The following NUP107 variants were observed in gnomAD, a reference collection of about 807,000 sequenced individuals.
NUP107 encodes the protein nucleoporin 107.
In NUP107, 101 loss-of-function variants were observed where a neutral mutation model predicts 141.0. The observed-to-expected ratio is 0.72, with a 90% CI of 0.61 to 0.84. The LOEUF (loss-of-function observed/expected upper bound fraction) is 0.84, where lower values mean the gene tolerates loss of function less well. NUP107 is among the 40% of genes least tolerant of loss of function. NUP107 has a pLI of 0.00. For synonymous variants in NUP107, 319 were observed against 363.9 expected, an observed-to-expected ratio of 0.88 and a Z score of 1.41; for missense variants, 941 against 1,102.7, an observed-to-expected ratio of 0.85 and a Z score of 2.08.
intron 9 of NUP107, among the ~76,000 whole-genome samples, chr12:68,709,564 A>G (rs936225436): frequency 6.6e-6 from 1 of 152,118 alleles, no homozygotes; most frequent in South Asian, 2.1e-4. Context: ...ATATTTATTT[A>G]TCTTAAAGTA....
At chr12:68,739,426 G>T (rs1316259660) in intron 26 of NUP107, among the ~76,000 whole-genome samples, 1 of 152,202 alleles carries the variant, frequency 6.6e-6, no homozygotes, top group Non-Finnish European at 1.5e-5. Context: ...CTTAGTAAAT[G>T]AATGATACTG....
intron 8 of NUP107, among the ~76,000 whole-genome samples, chr12:68,708,541 T>A (rs1219921529): frequency 6.6e-6 from 1 of 152,162 alleles, no homozygotes; most frequent in Non-Finnish European, 1.5e-5. Flanking sequence ...AACTTCTATA[T>A]AGACTATAAA....
intron 20 of NUP107, among the ~76,000 whole-genome samples, chr12:68,728,510 G>A (rs1253221853): frequency 4.4e-5 from 6 of 135,802 alleles, no homozygotes; most frequent in Non-Finnish European, 6.1e-5. Flanking sequence ...TGCAGCCTCC[G>A]CCTCCCAGGT....
At chr12:68,740,419 T>C (rs1878276629) in intron 26 of NUP107, among the ~76,000 whole-genome samples, 1 of 152,240 alleles carries the variant, frequency 6.6e-6, no homozygotes, top group Non-Finnish European at 1.5e-5. Flanking sequence ...CTTTAATATT[T>C]GCTTTTATGT....
rs544537717 is a variant in NUP107 at position 68,732,909 on chromosome 12, C to G, written c.2101+170C>G. 64 of 422,192 alleles carry G rather than the reference C, an allele frequency of 1.5e-4. No individual in the cohort carries two copies. In the South Asian group the frequency reaches 3.6e-3, roughly 24 times the overall value. 26.2% of individuals were successfully genotyped at this position (422,192 alleles called of 1,614,324 possible). On this transcript the variant is annotated intron_variant, in intron 23 of 27. Transcript: ENST00000229179. ...TGTTGCCTAGGCGGGTCTCGAACTCCTGGCCTGAAGCAATCCTCCCACCTC... is the reference window on the plus strand; with the variant it reads ...TGTTGCCTAGGCGGGTCTCGAACTCGTGGCCTGAAGCAATCCTCCCACCTC...
Position 68,744,804 on chromosome 12 carries a change from C to T in NUP107, c.*2342C>T, listed in dbSNP as rs1303789716. 1 of 152,198 alleles carries T rather than the reference C, an allele frequency of 6.6e-6. No homozygotes were observed. The highest frequency in any genetic ancestry group is 1.5e-5 in the Non-Finnish European group (1 of 68,038). 9.4% of individuals were successfully genotyped at this position (152,198 alleles called of 1,614,324 possible). A position where few individuals can be genotyped will look rare whatever the true frequency, so the allele number is the denominator to read the frequency against. Reference sequence around the variant, plus strand: ...TCACAATTCCCAAATGCCTCTCTTCCTGAACACCAGAAGTGGTGGGCACCT... The same window carrying T: ...TCACAATTCCCAAATGCCTCTCTTCTTGAACACCAGAAGTGGTGGGCACCT... On this transcript the variant is annotated 3_prime_UTR_variant, in exon 28 of 28. Coordinates refer to ENST00000229179, the MANE Select transcript of NUP107 (RefSeq NM_020401.4).
In NUP107 at chr12:68,742,832, A is replaced by T. The variant is rs1369451535; in HGVS notation, c.*370A>T. 6.6e-6 allele frequency: 1 copy of T among 152,504 alleles called. No individual in the cohort carries two copies. The allele number at this position is 152,504 out of a possible 1,614,324, so 9.4% of individuals were successfully genotyped here. A position where few individuals can be genotyped will look rare whatever the true frequency, so the allele number is the denominator to read the frequency against. On this transcript the variant is annotated 3_prime_UTR_variant, in exon 28 of 28. Coordinates refer to ENST00000229179, the MANE Select transcript of NUP107 (RefSeq NM_020401.4). ...TTTTAAGCCAGGTACGTAATTTTTT[A>T]TTTATCATAAAATTTAGTATTTTTG...
rs1002344096 is a variant in NUP107, at chr12:68,742,963, A to G, written c.*501A>G. On this transcript the variant is annotated 3_prime_UTR_variant, in exon 28 of 28. Coordinates refer to ENST00000229179, the MANE Select transcript of NUP107 (RefSeq NM_020401.4). ...ATTTCTAGTTTAACTTTCATTTAGCAAACTTCCTATCAAAATAAGAGCATA... is the reference window on the plus strand; with the variant it reads ...ATTTCTAGTTTAACTTTCATTTAGCGAACTTCCTATCAAAATAAGAGCATA... The G allele has an allele frequency of 2.6e-5, 4 of 152,568 alleles. No individual in the cohort carries two copies. The highest frequency in any genetic ancestry group is 9.6e-5 in the African/African-American group (4 of 41,458). 9.5% of individuals were successfully genotyped at this position (152,568 alleles called of 1,614,324 possible). A position where few individuals can be genotyped will look rare whatever the true frequency, so the allele number is the denominator to read the frequency against.
rs187369306 is a variant in NUP107, at chr12:68,735,401, T to A, written c.2502+57T>A. On this transcript the variant is annotated intron_variant, in intron 26 of 27. Coordinates refer to ENST00000229179, the MANE Select transcript of NUP107 (RefSeq NM_020401.4). ...CCAAAACACTCACCATGTTCTTTTT[T>A]AAAAATATTCTGTCTCTAAATGGGA... The A allele has an allele frequency of 4.2e-6, 5 of 1,198,844 alleles. No homozygotes were observed. The East Asian group carries it at 7.0e-5, about 17-fold the overall frequency. 74.3% of individuals were successfully genotyped at this position (1,198,844 alleles called of 1,614,324 possible).
At chr12:68,695,782 C>A (rs1214329254) in intron 5 of NUP107, among the ~76,000 whole-genome samples, 1 of 152,130 alleles carries the variant, frequency 6.6e-6, no homozygotes, top group Non-Finnish European at 1.5e-5. Context: ...GTGGCTCATG[C>A]CTTTAATCCT....
chr12:68,729,082 T>C (rs1350850701), intron 20 of NUP107, among the ~76,000 whole-genome samples: 1 of 152,186 alleles, frequency 6.6e-6, no homozygotes, highest in Non-Finnish European at 1.5e-5. Flanking sequence ...AGCTTACTTT[T>C]TATTGCAGTA....
chr12:68,708,371 T>A (rs1010926378), intron 8 of NUP107, among the ~76,000 whole-genome samples: 1 of 152,178 alleles, frequency 6.6e-6, no homozygotes, highest in Non-Finnish European at 1.5e-5. Flanking sequence ...AACCCATGGA[T>A]AAAATGGATT....
Position 68,713,599 on chromosome 12 carries a change from G to T in NUP107, c.891-131G>T, listed in dbSNP as rs950234541. The T allele has an allele frequency of 5.9e-6, 4 of 672,660 alleles. No individual in the cohort carries two copies. In the African/African-American group the frequency reaches 7.4e-5, roughly 12 times the overall value. 41.7% of individuals were successfully genotyped at this position (672,660 alleles called of 1,614,324 possible). ...GTCATCTGAGCTAAAATGTACTTCT[G>T]TATTAAGGATTTTTGCATGTTTTTA... On this transcript the variant is annotated intron_variant, in intron 10 of 27. Coordinates refer to ENST00000229179, the MANE Select transcript of NUP107 (RefSeq NM_020401.4).
At chr12:68,740,542 A>T (rs1448362455) in intron 26 of NUP107, among the ~76,000 whole-genome samples, 2 of 152,208 alleles carry the variant, frequency 1.3e-5, no homozygotes, top group Non-Finnish European at 2.9e-5. Flanking sequence ...TTACCAGATT[A>T]TACTTTGTTG....
intron 20 of NUP107, among the ~76,000 whole-genome samples, chr12:68,728,551 G>A (rs1293029373): frequency 1.3e-5 from 2 of 150,138 alleles, no homozygotes; most frequent in East Asian, 4.0e-4. Flanking sequence ...AGCCTCCCGA[G>A]TAGCTGGGAT....
intron 20 of NUP107, among the ~76,000 whole-genome samples, chr12:68,728,794 A>C (rs1877686753): frequency 6.6e-6 from 1 of 151,804 alleles, no homozygotes; most frequent in Non-Finnish European, 1.5e-5. Flanking sequence ...AATAAAAATC[A>C]TAAGGAAGAG....
chr12:68,731,734 G>T lies in NUP107; in HGVS notation c.1998+15G>T, dbSNP rs7976876. ...GCACTACTGAGGTAATTTGGGATGG[G>T]GGGGCAGAGGTTTCTATAACTTCTA... On this transcript the variant is annotated intron_variant, in intron 22 of 27. Transcript: ENST00000229179. 0.26 allele frequency: 358,073 copies of T among 1,357,388 alleles called. 48,786 individuals are homozygous for T. The highest frequency in any genetic ancestry group is 0.3 in the Middle Eastern group (1,670 of 5,498). 84.1% of individuals were successfully genotyped at this position (1,357,388 alleles called of 1,614,324 possible).
At chr12:68,687,779 C>T in intron 1 of NUP107, 1 of 434,922 alleles carries the variant, frequency 2.3e-6, no homozygotes, top group Non-Finnish European at 3.1e-6. Flanking sequence ...CTTATTTAAT[C>T]TTCAGAACAA....
At chr12:68,715,845 C>G in intron 12 of NUP107, 105 bp downstream of exon 12, 1 of 584,182 alleles carries the variant, frequency 1.7e-6, no homozygotes, top group South Asian at 2.5e-5. Flanking sequence ...TGTAGTAATT[C>G]CATTCATGGT....
Sources: gnomAD v4.1 joint callset for allele counts (sites outside exome capture counted in the v4.1 genomes callset) on GRCh38, gnomAD v4.1.1 for gene constraint, MANE v1.5 for transcripts, NCBI Gene and HGNC (gene_info 2026-07-23, HGNC 2026-07-21) for gene names.